The following FBXO41 variants were observed in gnomAD, a reference collection of about 807,000 sequenced individuals.
FBXO41 encodes F-box only protein 41.
Under a neutral mutation model 81.6 loss-of-function variants are expected in FBXO41, and 33 were observed. That is an observed-to-expected ratio of 0.40 (90% CI 0.31 to 0.54). FBXO41 has a LOEUF of 0.54. FBXO41 is among the 20% of genes least tolerant of loss of function. FBXO41 has a pLI of 0.39. For synonymous variants in FBXO41, 576 were observed against 552.7 expected (o/e 1.04, Z -0.59); for missense variants, 1,107 against 1,236.0 (o/e 0.90, Z 1.56).
intron 1 of FBXO41, among the ~76,000 whole-genome samples, chr2:73,283,828 C>T (rs1220422317): frequency 6.6e-6 from 1 of 152,138 alleles, no homozygotes; most frequent in Admixed American, 6.5e-5. Context: ...CAGGGCGCTT[C>T]CCCTCCCCCC....
chr2:73,276,659 A>G (rs1461097758), intron 1 of FBXO41, among the ~76,000 whole-genome samples: 1 of 151,612 alleles, frequency 6.6e-6, no homozygotes, highest in Non-Finnish European at 1.5e-5. Context: ...GGGGGAAAAA[A>G]AAAGATAACT....
At chr2:73,283,903 C>A (rs890973217) in intron 1 of FBXO41, among the ~76,000 whole-genome samples, 1 of 152,176 alleles carries the variant, frequency 6.6e-6, no homozygotes, top group African/African-American at 2.4e-5. Flanking sequence ...GCCCCCGCCC[C>A]AAAACCTGGC....
intron 2 of FBXO41, among the ~76,000 whole-genome samples, 197 bp downstream of exon 2, chr2:73,268,528 AG>A (rs1038038443): frequency 2.6e-5 from 4 of 152,230 alleles, no homozygotes; most frequent in Non-Finnish European, 5.9e-5. Context: ...AAAGAGGCAC[AG>A]GGTCACACTG....
Position 73,260,489 on chromosome 2 carries a change from C to G in FBXO41, c.2349G>C (p.Gln783His), listed in dbSNP as rs779445655. 1 of 1,603,852 alleles carries G rather than the reference C, an allele frequency of 6.2e-7. No individual in the cohort carries two copies. Among genetic ancestry groups the G allele is most frequent in the Non-Finnish European group, 8.5e-7 (1 of 1,175,380 alleles). ...CCCGGCAGACCTCTGCTGCCACCTCCTGGGTGATCTCTGACACGTGGTCAA... is the reference window on the plus strand; with the variant it reads ...CCCGGCAGACCTCTGCTGCCACCTCGTGGGTGATCTCTGACACGTGGTCAA... ...LELDHVSEIT[Q>H]EVAAEVCREG... The change falls in exon 11 of 13, where the codon CAG becomes CAC. Residue 783 changes from glutamine to histidine, a missense_variant. By Grantham distance (24) the Gln-to-His change is conservative. This residue lies in a region of FBXO41 where 336 missense variants were observed against 446.7 expected (regional missense o/e 0.75). Coordinates refer to ENST00000520530, the MANE Select transcript of FBXO41 (RefSeq NM_001371389.2). The surrounding 1 kb of genome is among the most constrained non-coding windows in gnomAD (Gnocchi z 5.0).
chr2:73,283,087 G>A (rs1389448525), intron 1 of FBXO41, among the ~76,000 whole-genome samples: 1 of 152,202 alleles, frequency 6.6e-6, no homozygotes, highest in Non-Finnish European at 1.5e-5. Flanking sequence ...CTCTAAGCTC[G>A]GTACTTTTAG....
Position 73,259,117 on chromosome 2 carries a change from G to A in FBXO41, c.2565+64C>T. On this transcript the variant is annotated intron_variant, in intron 12 of 12. Transcript: ENST00000520530. This position sits in a 1 kb window ranked among gnomAD's most constrained non-coding sequence, Gnocchi z 4.2. ...GGGCCCTCCTGCCACACTCACCCAG[G>A]TCACCAGCCCCAGTCTAGGGATGCC... 4 of 1,610,718 alleles carry A rather than the reference G, an allele frequency of 2.5e-6. No homozygotes were observed. Among genetic ancestry groups the A allele is most frequent in the Non-Finnish European group, 3.4e-6 (4 of 1,177,578 alleles).
In FBXO41 at chr2:73,269,264, C is replaced by G; in HGVS notation, c.367G>C (p.Val123Leu). 1.3e-6 allele frequency: 2 copies of G among 1,530,750 alleles called. No homozygotes were observed. Among genetic ancestry groups the G allele is most frequent in the Non-Finnish European group, 1.8e-6 (2 of 1,139,094 alleles). 94.8% of individuals were successfully genotyped at this position (1,530,750 alleles called of 1,614,324 possible). A position where few individuals can be genotyped will look rare whatever the true frequency, so the allele number is the denominator to read the frequency against. The change falls in exon 2 of 13, where the codon GTG (valine) becomes CTG (leucine). Residue 123 changes from valine (V) to leucine (L), a missense_variant. Transcript: ENST00000520530. This position sits in a 1 kb window ranked among gnomAD's most constrained non-coding sequence, Gnocchi z 7.0. ...TCCTCACAGGGCAGGCTAGCGGGCA[C>G]CAGGTCGCCGGGGAAGTGGGCGAGG... ...APLAHFPGDL[V>L]PASLPCEELA... is the part of the protein sequence containing the mutation.
In FBXO41 at chr2:73,269,165, C is replaced by CCCGCGGGCGAA; in HGVS notation, c.465_466insTTCGCCCGCGG (p.Glu156PhefsTer71). 6.6e-7 allele frequency: 1 copy of CCCGCGGGCGAA among 1,525,052 alleles called. No homozygotes were observed. The highest frequency in any genetic ancestry group is 8.8e-7 in the Non-Finnish European group (1 of 1,141,380). 94.5% of individuals were successfully genotyped at this position (1,525,052 alleles called of 1,614,324 possible). ...GCCACGGACTTGCGGGCGAACAGCT[C>CCCGCGGGCGAA]CCCCAGCGGGATCTCGATCTCGCGC... is the stretch of plus-strand genomic sequence containing the variant. On this transcript the variant is annotated frameshift_variant, in exon 2 of 13. Transcript: ENST00000520530. LOFTEE classifies it high-confidence loss of function. The surrounding 1 kb of genome is among the most constrained non-coding windows in gnomAD (Gnocchi z 7.0).
chr2:73,263,283 C>T lies in FBXO41; in HGVS notation c.2101G>A (p.Glu701Lys). The T allele has an allele frequency of 6.5e-7, 1 of 1,549,488 alleles. No homozygotes were observed. The highest frequency in any genetic ancestry group is 8.7e-7 in the Non-Finnish European group (1 of 1,146,824). Reference sequence around the variant, plus strand: ...CCTGCGCCCAGGGCCCAAATGACCTCATGGCCCACGGGGTCTGTGGCACTC... The same window carrying T: ...CCTGCGCCCAGGGCCCAAATGACCTTATGGCCCACGGGGTCTGTGGCACTC... ...YRSATDPVGHEVIWALGAGCR... is the reference protein window; with the variant it reads ...YRSATDPVGHKVIWALGAGCR... The change falls in exon 9 of 13, where the codon GAG (glutamate) becomes AAG (lysine). Residue 701 changes from glutamate (E) to lysine (K), a missense_variant. Coordinates refer to ENST00000520530, the MANE Select transcript of FBXO41 (RefSeq NM_001371389.2).
chr2:73,266,783 C>T lies in FBXO41; in HGVS notation c.906-101G>A. 7.0e-7 allele frequency: 1 copy of T among 1,425,586 alleles called. No homozygotes were observed. The highest frequency in any genetic ancestry group is 2.7e-5 in the East Asian group (1 of 37,252). 88.3% of individuals were successfully genotyped at this position (1,425,586 alleles called of 1,614,324 possible). Reference sequence around the variant, plus strand: ...GTGCGGGGAGACACTGGCACAGCTGCCTGCGGTGTCTGCTTATGGTCACAT... The same window carrying T: ...GTGCGGGGAGACACTGGCACAGCTGTCTGCGGTGTCTGCTTATGGTCACAT... On this transcript the variant is annotated intron_variant, in intron 2 of 12. Transcript: ENST00000520530. This position sits in a 1 kb window ranked among gnomAD's most constrained non-coding sequence, Gnocchi z 5.3.
rs770068903 is a variant in FBXO41 at position 73,260,783 on chromosome 2, C to T, written c.2247G>A (p.Gly749=). ...GCACCCCACAGCCGGCACCCCCGAC[C>T]CCCAGGGCCCGCAGGTGGGGCCAAC... The part of the protein sequence containing the change: ...GRCWPHLRAL[G]VGGAGCGVQG... Residue 749 remains glycine, a synonymous_variant, in exon 10 of 13, where the codon GGG becomes GGA. Transcript: ENST00000520530. The surrounding 1 kb of genome is among the most constrained non-coding windows in gnomAD (Gnocchi z 5.0). 1.3e-6 allele frequency: 2 copies of T among 1,564,664 alleles called. No homozygotes were observed. The highest frequency in any genetic ancestry group is 1.4e-5 in the African/African-American group (1 of 73,940).
At chr2:73,271,631 C>CCCCT (rs1688498238) in intron 1 of FBXO41, 1 of 147,498 alleles carries the variant, frequency 6.8e-6, no homozygotes, top group East Asian at 2.1e-4. Flanking sequence ...ACTCCCCCCC[C>CCCCT]CCCAACTTCT....
rs1390101890 is a variant in FBXO41, at chr2:73,265,999, G to A, written c.1132-33C>T. ...CCCCCAGAGCAGGAGGTAAAGGAGA[G>A]GGGCGGAGGAGGCAAGAGGATGAGC... On this transcript the variant is annotated intron_variant, in intron 3 of 12. Transcript: ENST00000520530. 2.6e-6 allele frequency: 4 copies of A among 1,548,362 alleles called. No homozygotes were observed. In the African/African-American group the frequency reaches 4.1e-5, roughly 16 times the overall value.
Position 73,258,860 on chromosome 2 carries a change from C to A in FBXO41, c.*122G>T. 1 of 1,106,334 alleles carries A rather than the reference C, an allele frequency of 9.0e-7. No individual in the cohort carries two copies. Among genetic ancestry groups the A allele is most frequent in the East Asian group, 2.6e-5 (1 of 38,544 alleles). 68.5% of individuals were successfully genotyped at this position (1,106,334 alleles called of 1,614,324 possible). A position where few individuals can be genotyped will look rare whatever the true frequency, so the allele number is the denominator to read the frequency against. On this transcript the variant is annotated 3_prime_UTR_variant, in exon 13 of 13. Transcript: ENST00000520530. ...GGAGGACAGGAGACTTGACAGTCCC[C>A]CTCCAGAAGCCAGGGATAACACTCG...
rs535822841 is a variant in FBXO41 at position 73,260,667 on chromosome 2, G to A, written c.2290+73C>T. The A allele has an allele frequency of 6.6e-7, 1 of 1,519,588 alleles. No homozygotes were observed. The highest frequency in any genetic ancestry group is 1.3e-5 in the South Asian group (1 of 79,618). 94.1% of individuals were successfully genotyped at this position (1,519,588 alleles called of 1,614,324 possible). On this transcript the variant is annotated intron_variant, in intron 10 of 12. Coordinates refer to ENST00000520530, the MANE Select transcript of FBXO41 (RefSeq NM_001371389.2). The surrounding 1 kb of genome is among the most constrained non-coding windows in gnomAD (Gnocchi z 5.0). ...CAGGCTGCAGCCCCAAGCCCCTGTGGGATTTCACAAGGCAGCACTGCACCC... is the reference window on the plus strand; with the variant it reads ...CAGGCTGCAGCCCCAAGCCCCTGTGAGATTTCACAAGGCAGCACTGCACCC...
rs764899361 is a variant in FBXO41, at chr2:73,263,228, G to A, written c.2156C>T (p.Ala719Val). 6.4e-7 allele frequency: 1 copy of A among 1,556,272 alleles called. No individual in the cohort carries two copies. Among genetic ancestry groups the A allele is most frequent in the Non-Finnish European group, 8.7e-7 (1 of 1,149,606 alleles). Reference protein sequence around the residue: ...GCREIVSLQVAPLHPCQQPTR... With the variant: ...GCREIVSLQVVPLHPCQQPTR... Reference sequence around the variant, plus strand: ...CAGGGCTCACCAGGGGTGAAGTGGTGCCACTTGGAGGGAGACGATCTCTCT... The same window carrying A: ...CAGGGCTCACCAGGGGTGAAGTGGTACCACTTGGAGGGAGACGATCTCTCT... Residue 719 changes from alanine (A) to valine (V), a missense_variant, in exon 9 of 13, where the codon GCA (alanine) becomes GTA (valine). Ala to Val is a moderately conservative substitution (Grantham distance 64). This residue lies in a region of FBXO41 where 336 missense variants were observed against 446.7 expected (regional missense o/e 0.75). Transcript: ENST00000520530.
intron 1 of FBXO41, among the ~76,000 whole-genome samples, chr2:73,276,283 G>A (rs907055748): frequency 3.3e-5 from 5 of 151,188 alleles, no homozygotes; most frequent in Non-Finnish European, 7.4e-5. Flanking sequence ...GGTGGCAGGT[G>A]GCTGTAATCC....
In FBXO41 at chr2:73,258,421, C is replaced by G. The variant is rs1028161250; in HGVS notation, c.*561G>C. On this transcript the variant is annotated 3_prime_UTR_variant, in exon 13 of 13. Transcript: ENST00000520530. ...CCCCCAGCTTTTGGCTGACCACGTG[C>G]CCAGGCCCCTAGGTCTGGCTGTGGT... 6.6e-6 allele frequency: 1 copy of G among 152,458 alleles called. No homozygotes were observed. Among genetic ancestry groups the G allele is most frequent in the Non-Finnish European group, 1.5e-5 (1 of 68,254 alleles). The allele number at this position is 152,458 out of a possible 1,614,324, so 9.4% of individuals were successfully genotyped here.
In FBXO41 at chr2:73,264,351, T is replaced by C; in HGVS notation, c.1733A>G (p.Asp578Gly). Residue 578 changes from aspartate to glycine, a missense_variant, in exon 6 of 13, where the codon GAC (aspartate) becomes GGC (glycine). Transcript: ENST00000520530. ...GGGGTGGCGGGCCACGAAGCGCCAG[T>C]CCCGGCAGACCTCGGCAGCATGCAG... ...TLLHAAEVCRDWRFVARHPAV... is the reference protein window; with the variant it reads ...TLLHAAEVCRGWRFVARHPAV... 6.2e-7 allele frequency: 1 copy of C among 1,613,670 alleles called. No individual in the cohort carries two copies.
Sources: allele counts gnomAD v4.1 joint callset (sites outside exome capture counted in the v4.1 genomes callset), GRCh38; gene constraint gnomAD v4.1.1; regional missense constraint gnomAD v4.1.1; non-coding constraint Gnocchi (gnomAD v3.1); transcripts MANE v1.5; gene names NCBI Gene and HGNC (gene_info 2026-07-23, HGNC 2026-07-21).